Variants in ZMYM4 observed in about 807,000 individuals in gnomAD.
The protein encoded by ZMYM4 is zinc finger MYM-type containing 4, also known as zinc finger MYM-type protein 4.
A neutral mutation model predicts 183.2 loss-of-function variants in ZMYM4; 31 were observed. The observed-to-expected ratio is 0.17, with a 90% confidence interval of 0.13 to 0.23. The LOEUF is 0.23. Among genes scored for constraint, ZMYM4 ranks in the 10% least tolerant of loss-of-function variants. The pLI is 1.00. For synonymous variants in ZMYM4, 592 were observed against 631.2 expected (o/e 0.94, Z 0.93); for missense variants, 1,273 against 1,840.3 (o/e 0.69, Z 5.64).
intron 1 of ZMYM4, among the ~76,000 whole-genome samples, chr1:35,281,359 C>T (rs1216175530): frequency 6.6e-6 from 1 of 151,372 alleles, no homozygotes; most frequent in Admixed American, 6.6e-5. Flanking sequence ...AAGCCAGGCA[C>T]AGGAAGACAA....
rs1265174421 is a variant in ZMYM4 at position 35,361,786 on chromosome 1, T to C, written c.837T>C (p.Ala279=). The part of the protein sequence containing the change: ...LDKIKDEPDN[A]QEYSHGQQQK... ...AAATAAAAGATGAACCTGACAATGCTCAAGTAAACATTTCACCTTTTTTCC... is the reference window on the plus strand; with the variant it reads ...AAATAAAAGATGAACCTGACAATGCCCAAGTAAACATTTCACCTTTTTTCC... Residue 279 remains alanine, a synonymous_variant, in exon 5 of 30, where the codon GCT becomes GCC. Transcript: ENST00000314607. 2 of 1,599,084 alleles carry C rather than the reference T, an allele frequency of 1.3e-6. No homozygotes were observed. The highest frequency in any genetic ancestry group is 1.7e-6 in the Non-Finnish European group (2 of 1,175,466).
Position 35,408,065 on chromosome 1 carries a change from T to G in ZMYM4, c.3854T>G (p.Leu1285Trp). The G allele has an allele frequency of 6.2e-7, 1 of 1,614,228 alleles. No individual in the cohort carries two copies. The highest frequency in any genetic ancestry group is 8.5e-7 in the Non-Finnish European group (1 of 1,180,032). ...TCCTGCACTTTTGCTGAGTTGAGTT[T>G]GGGCTTATGCCAGTTTATCCAAGAG... ...ILSCTFAELS[L>W]GLCQFIQEVR... The change falls in exon 26 of 30, where the codon TTG becomes TGG. Residue 1285 changes from leucine (L) to tryptophan (W), a missense_variant. Physicochemically the swap from Leu to Trp is moderately conservative, Grantham distance 61 (BLOSUM62 -2). This residue lies in a region of ZMYM4 where 145 missense variants were observed against 331.6 expected (regional missense o/e 0.44). Transcript: ENST00000314607.
intron 5 of ZMYM4, among the ~76,000 whole-genome samples, chr1:35,369,408 G>A (rs1644157229): frequency 6.6e-6 from 1 of 152,078 alleles, no homozygotes; most frequent in Non-Finnish European, 1.5e-5. Context: ...AGACTATGTA[G>A]ACCTCAGGGA....
At chr1:35,348,046 C>T (rs546973558) in intron 2 of ZMYM4, among the ~76,000 whole-genome samples, 1 of 152,246 alleles carries the variant, frequency 6.6e-6, no homozygotes, top group African/African-American at 2.4e-5. Context: ...GTTGCCAGAA[C>T]ACTAGAAATA....
intron 1 of ZMYM4, among the ~76,000 whole-genome samples, chr1:35,305,398 TG>T: frequency 6.6e-6 from 1 of 152,336 alleles, no homozygotes; most frequent in Admixed American, 6.5e-5. Context: ...TATGTCTTGT[TG>T]ATGATCATAT....
At chr1:35,353,640 G>C (rs972230357) in intron 2 of ZMYM4, among the ~76,000 whole-genome samples, 4 of 152,128 alleles carry the variant, frequency 2.6e-5, no homozygotes, top group African/African-American at 9.7e-5. Flanking sequence ...TGCTGAGATC[G>C]TAGTGTTCTG....
chr1:35,385,133 C>G (rs112116250), intron 9 of ZMYM4, among the ~76,000 whole-genome samples: 1 of 152,204 alleles, frequency 6.6e-6, no homozygotes. Flanking sequence ...GGGTGAGCCA[C>G]TACGCCTGGC....
chr1:35,403,777 C>G (rs529310214), intron 23 of ZMYM4, among the ~76,000 whole-genome samples: 1 of 146,548 alleles, frequency 6.8e-6, no homozygotes, highest in South Asian at 2.1e-4. Context: ...ATTTCTTTAA[C>G]TATGATAGAA....
At chr1:35,330,081 G>A (rs985222994) in intron 2 of ZMYM4, among the ~76,000 whole-genome samples, 2 of 151,944 alleles carry the variant, frequency 1.3e-5, no homozygotes, top group South Asian at 2.1e-4. Flanking sequence ...TGAATGTGGT[G>A]GTGCATGCCT....
At chr1:35,414,167 C>G (rs886934853) in intron 27 of ZMYM4, 84 bp downstream of exon 27, 8 of 832,636 alleles carry the variant, frequency 9.6e-6, no homozygotes, top group African/African-American at 8.8e-5. Flanking sequence ...AAAAATTGTT[C>G]ATTTTTATTT....
In ZMYM4 at chr1:35,361,238, C is replaced by A; in HGVS notation, c.652C>A (p.Pro218Thr). The A allele has an allele frequency of 3.1e-6, 5 of 1,604,296 alleles. No homozygotes were observed. The highest frequency in any genetic ancestry group is 1.7e-5 in the Admixed American group (1 of 58,656). ...ETLHTHLPQT[P>T]ETNFRDSSYP... ...ATTACATACCCATTTACCACAAACC[C>A]CAGAAACAAACTTTAGGGTAAGTTT... Residue 218 changes from proline (P) to threonine (T), a missense_variant, in exon 4 of 30, where the codon CCA becomes ACA. Pro to Thr is a conservative substitution (Grantham distance 38). Transcript: ENST00000314607.
chr1:35,397,207 T>G, intron 19 of ZMYM4, 170 bp from the exon 20 acceptor site: 1 of 1,035,900 alleles, frequency 9.7e-7, no homozygotes, highest in East Asian at 3.4e-5. Context: ...AAATTTTATT[T>G]AAATGGCTCT....
At chr1:35,411,117 T>C (rs1043825825) in intron 26 of ZMYM4, among the ~76,000 whole-genome samples, 3 of 151,930 alleles carry the variant, frequency 2.0e-5, no homozygotes, top group African/African-American at 7.3e-5. Context: ...GATACCATTG[T>C]AGAAAATCTT....
intron 1 of ZMYM4, among the ~76,000 whole-genome samples, chr1:35,290,467 G>A (rs916477976): frequency 5.3e-5 from 8 of 151,436 alleles, no homozygotes; most frequent in Admixed American, 2.0e-4. Context: ...ACGGGATCCG[G>A]CTCTGTCACC....
chr1:35,331,240 T>C (rs968449432), intron 2 of ZMYM4, among the ~76,000 whole-genome samples: 2 of 152,176 alleles, frequency 1.3e-5, no homozygotes, highest in Non-Finnish European at 2.9e-5. Flanking sequence ...AAAGTCTTCT[T>C]TAGGGATATA....
chr1:35,421,109 A>G lies in ZMYM4; in HGVS notation c.*1432A>G, dbSNP rs1456134525. 2.0e-5 allele frequency: 3 copies of G among 152,598 alleles called. No individual in the cohort carries two copies. Among genetic ancestry groups the G allele is most frequent in the Non-Finnish European group, 4.4e-5 (3 of 68,022 alleles). The allele number at this position is 152,598 out of a possible 1,614,324, so 9.5% of individuals were successfully genotyped here. A position where few individuals can be genotyped will look rare whatever the true frequency, so the allele number is the denominator to read the frequency against. On this transcript the variant is annotated 3_prime_UTR_variant, in exon 30 of 30. Coordinates refer to ENST00000314607, the MANE Select transcript of ZMYM4 (RefSeq NM_005095.3). Reference sequence around the variant, plus strand: ...AGAGATGTCAAAAAGCCTCTTAGAAATTTTAATCTTGAAAGACTTTTCAGG... The same window carrying G: ...AGAGATGTCAAAAAGCCTCTTAGAAGTTTTAATCTTGAAAGACTTTTCAGG...
At position 35,387,569 on chromosome 1, in the gene ZMYM4, G is replaced by A; in HGVS notation, c.2228G>A (p.Arg743Gln). Residue 743 changes from arginine (R) to glutamine (Q), a missense_variant, in exon 13 of 30, where the codon CGG becomes CAG. Arg to Gln is a conservative substitution (Grantham distance 43). This residue lies in a region of ZMYM4 where 319 missense variants were observed against 518.1 expected (regional missense o/e 0.62). Coordinates refer to ENST00000314607, the MANE Select transcript of ZMYM4 (RefSeq NM_005095.3). ...GAGAAAATTGTAAAGGAGACTGTTC[G>A]GTTCTCAGGTGCTGACAAGTCATTC... ...KIEKIVKETV[R>Q]FSGADKSFCS... 2 of 1,613,262 alleles carry A rather than the reference G, an allele frequency of 1.2e-6. No homozygotes were observed. Among genetic ancestry groups the A allele is most frequent in the Non-Finnish European group, 1.7e-6 (2 of 1,179,776 alleles).
chr1:35,310,797 C>T (rs1195630423), intron 1 of ZMYM4, among the ~76,000 whole-genome samples: 3 of 152,054 alleles, frequency 2.0e-5, no homozygotes, highest in African/African-American at 4.8e-5. Flanking sequence ...AGGTTGGTCT[C>T]GAGCTCCTGA....
At chr1:35,415,774 G>C in intron 28 of ZMYM4, 60 bp downstream of exon 28, 2 of 1,566,444 alleles carry the variant, frequency 1.3e-6, no homozygotes, top group South Asian at 2.3e-5. Context: ...CTAAAATAGA[G>C]AGTTACTGCA....
Sources: gnomAD v4.1 joint callset for allele counts (sites outside exome capture counted in the v4.1 genomes callset) on GRCh38, gnomAD v4.1.1 for gene constraint, gnomAD v4.1.1 regional missense constraint, MANE v1.5 for transcripts, NCBI Gene and HGNC (gene_info 2026-07-23, HGNC 2026-07-21) for gene names.